Variants in ANO3 observed in about 807,000 individuals in gnomAD.
ANO3 encodes the protein anoctamin 3, also known as anoctamin-3.
A neutral mutation model predicts 144.8 loss-of-function variants in ANO3; 99 were observed. That is an observed-to-expected ratio of 0.68 (90% CI 0.58 to 0.81). The LOEUF (loss-of-function observed/expected upper bound fraction) is 0.81, where lower values mean the gene tolerates loss of function less well. ANO3 is among the 30% of genes least tolerant of loss of function. The pLI, the probability that ANO3 is intolerant of heterozygous loss-of-function variation, is 0.00. For missense variants in ANO3, 905 were observed against 1,202.2 expected, an observed-to-expected ratio of 0.75 and a Z score of 3.66; for synonymous variants, 414 against 392.6, an observed-to-expected ratio of 1.05 and a Z score of -0.64.
chr11:26,617,626 G>T (rs1283958578), intron 17 of ANO3, among the ~76,000 whole-genome samples: 1 of 152,086 alleles, frequency 6.6e-6, no homozygotes, highest in East Asian at 1.9e-4. Context: ...GGTCAATTTG[G>T]CATAAAGATT....
At chr11:26,536,039 G>A (rs1053849373) in intron 9 of ANO3, among the ~76,000 whole-genome samples, 1 of 151,912 alleles carries the variant, frequency 6.6e-6, no homozygotes, top group African/African-American at 2.4e-5. Context: ...CTAAAAATAA[G>A]CTGGGTGCGG....
At chr11:26,308,904 C>G (rs184750421), upstream of ANO3, among the ~76,000 whole-genome samples, 1 of 152,256 alleles carries the variant, frequency 6.6e-6, no homozygotes, top group Admixed American at 6.5e-5. Context: ...ATTTTTACAG[C>G]ATTTCAAGGT....
At chr11:26,541,923 T>G in intron 10 of ANO3, 24 bp from the exon 11 acceptor site, 1 of 1,592,934 alleles carries the variant, frequency 6.3e-7, no homozygotes, top group Non-Finnish European at 8.5e-7. Context: ...TAGAACCAAA[T>G]GTATCTTACT....
chr11:26,263,928 T>C (rs768537004), intron 1 of ANO3, among the ~76,000 whole-genome samples: 2 of 152,264 alleles, frequency 1.3e-5, no homozygotes, highest in Non-Finnish European at 2.9e-5. Context: ...CAAGTATTAA[T>C]TTATGATTTC....
intron 9 of ANO3, among the ~76,000 whole-genome samples, chr11:26,534,851 A>G (rs1438774701): frequency 1.3e-5 from 2 of 152,210 alleles, no homozygotes; most frequent in Non-Finnish European, 2.9e-5. Context: ...CTTTTGAGTG[A>G]CAAAATATGC....
intron 19 of ANO3, among the ~76,000 whole-genome samples, chr11:26,634,781 G>A (rs1009513430): frequency 2.0e-5 from 3 of 152,126 alleles, no homozygotes; most frequent in Non-Finnish European, 2.9e-5. Context: ...TGTGAGGGTC[G>A]GAAATGTCAT....
intron 14 of ANO3, among the ~76,000 whole-genome samples, chr11:26,593,676 TCACATAAGGGG>T (rs374362716): frequency 4.6e-5 from 7 of 152,172 alleles, no homozygotes; most frequent in African/African-American, 1.7e-4. Context: ...GTGATTCCCT[TCACATAAGGGG>T]CATGGACAAG....
chr11:26,438,621 A>AAAAAAAAAAAC (rs1858391654), intron 1 of ANO3, among the ~76,000 whole-genome samples: 1 of 149,592 alleles, frequency 6.7e-6, no homozygotes, highest in Non-Finnish European at 1.5e-5. Context: ...AAAAAAAAAA[A>AAAAAAAAAAAC]AAAGAAAATA....
intron 1 of ANO3, among the ~76,000 whole-genome samples, chr11:26,311,428 G>A (rs1264718056): frequency 2.0e-5 from 3 of 152,162 alleles, no homozygotes; most frequent in Non-Finnish European, 4.4e-5. Flanking sequence ...ACAGATATTG[G>A]CATAAGCCTT....
intron 1 of ANO3, among the ~76,000 whole-genome samples, chr11:26,228,517 T>A (rs1223383245): frequency 1.3e-5 from 2 of 152,146 alleles, no homozygotes; most frequent in African/African-American, 2.4e-5. Context: ...CACAGATCAG[T>A]GTAGGATATT....
intron 17 of ANO3, among the ~76,000 whole-genome samples, chr11:26,615,929 C>T (rs1852247878): frequency 6.6e-6 from 1 of 152,072 alleles, no homozygotes; most frequent in African/African-American, 2.4e-5. Context: ...TATTTGAATG[C>T]TCAAAGCCAT....
At chr11:26,321,340 C>A (rs1318402973) in intron 1 of ANO3, among the ~76,000 whole-genome samples, 1 of 152,062 alleles carries the variant, frequency 6.6e-6, no homozygotes, top group African/African-American at 2.4e-5. Flanking sequence ...GAATTGACAA[C>A]AAACTAGAAT....
intron 8 of ANO3, among the ~76,000 whole-genome samples, chr11:26,532,174 G>A (rs956478225): frequency 6.6e-6 from 1 of 152,066 alleles, no homozygotes; most frequent in Non-Finnish European, 1.5e-5. Context: ...TCAATCAATG[G>A]GAAACCCTCC....
chr11:26,592,784 T>G (rs1369226721), intron 14 of ANO3, among the ~76,000 whole-genome samples: 2 of 151,806 alleles, frequency 1.3e-5, no homozygotes, highest in Non-Finnish European at 2.9e-5. Flanking sequence ...AAAGGTTTGG[T>G]GAAGGTTTTT....
intron 1 of ANO3, among the ~76,000 whole-genome samples, chr11:26,340,287 CACTA>C (rs1036594444): frequency 1.4e-4 from 22 of 152,296 alleles, no homozygotes; most frequent in Admixed American, 2.6e-4. Context: ...GGCTTTGGAA[CACTA>C]ACTAACAGCA....
At chr11:26,353,364 C>T (rs865902772) in intron 1 of ANO3, among the ~76,000 whole-genome samples, 4 of 152,286 alleles carry the variant, frequency 2.6e-5, no homozygotes, top group South Asian at 2.1e-4. Flanking sequence ...AGGGTCTTAT[C>T]GTCCCCTACC....
chr11:26,347,359 A>G (rs897792734), intron 1 of ANO3, among the ~76,000 whole-genome samples: 1 of 152,240 alleles, frequency 6.6e-6, no homozygotes, highest in African/African-American at 2.4e-5. Flanking sequence ...TATTAATCCA[A>G]TTATGACAAA....
At chr11:26,361,026 T>C (rs1327561796) in intron 1 of ANO3, among the ~76,000 whole-genome samples, 1 of 152,182 alleles carries the variant, frequency 6.6e-6, no homozygotes, top group East Asian at 1.9e-4. Flanking sequence ...TTATTCTATT[T>C]AACTTTATAC....
chr11:26,278,923 T>C (rs1449536008), intron 1 of ANO3, among the ~76,000 whole-genome samples: 1 of 152,132 alleles, frequency 6.6e-6, no homozygotes, highest in Non-Finnish European at 1.5e-5. Flanking sequence ...ACGATTCTTT[T>C]ATAATAGAAG....
Sources: gnomAD v4.1 joint callset for allele counts (sites outside exome capture counted in the v4.1 genomes callset) on GRCh38, gnomAD v4.1.1 for gene constraint, MANE v1.5 for transcripts, NCBI Gene and HGNC (gene_info 2026-07-23, HGNC 2026-07-21) for gene names.